The following MAP1LC3B2 variants were observed in gnomAD, a reference collection of about 807,000 sequenced individuals.
The protein encoded by MAP1LC3B2 is microtubule associated protein 1 light chain 3 beta 2.
For synonymous variants in MAP1LC3B2, 62 were observed against 57.8 expected (o/e 1.07, Z -0.33); for missense variants, 155 against 154.6 (o/e 1.00, Z -0.01).
chr12:116,573,394 T>TG (rs1869590153), intron 1 of MAP1LC3B2, among the ~76,000 whole-genome samples: 1 of 152,202 alleles, frequency 6.6e-6, no homozygotes, highest in Admixed American at 6.5e-5. Context: ...AGCAAGAACC[T>TG]GGGGGCAGAA....
At chr12:116,561,427 G>GA (rs1382691473) in intron 1 of MAP1LC3B2, among the ~76,000 whole-genome samples, 21 of 152,302 alleles carry the variant, frequency 1.4e-4, no homozygotes, top group African/African-American at 5.1e-4. Context: ...AGCCACCCCA[G>GA]GCTTCTGTTT....
chr12:116,575,167 C>T (rs1414802993), intron 1 of MAP1LC3B2, among the ~76,000 whole-genome samples: 6 of 132,900 alleles, frequency 4.5e-5, no homozygotes, highest in Non-Finnish European at 7.7e-5. Flanking sequence ...GCAACAACAG[C>T]GAAACTCAGT....
At chr12:116,562,766 T>A (rs1403010072) in intron 1 of MAP1LC3B2, among the ~76,000 whole-genome samples, 1 of 152,202 alleles carries the variant, frequency 6.6e-6, no homozygotes, top group Non-Finnish European at 1.5e-5. Context: ...ACTATATAGC[T>A]CCTCGTTTCT....
intron 1 of MAP1LC3B2, among the ~76,000 whole-genome samples, chr12:116,573,883 A>G (rs952482027): frequency 4.4e-4 from 67 of 152,248 alleles, no homozygotes; most frequent in Non-Finnish European, 7.3e-5. Flanking sequence ...GCAAGGCTGC[A>G]GCTTTCACAG....
At chr12:116,573,154 T>G (rs1187279093) in intron 1 of MAP1LC3B2, among the ~76,000 whole-genome samples, 2 of 152,174 alleles carry the variant, frequency 1.3e-5, no homozygotes, top group Admixed American at 6.5e-5. Context: ...AAACTTCTGA[T>G]CTTAGGTGAT....
Position 116,565,117 on chromosome 12 carries a change from C to T in MAP1LC3B2, c.-102+5684C>T, listed in dbSNP as rs556012938. Among the ~76,000 whole-genome samples the T allele has an allele frequency of 2.6e-5, 4 of 152,234 alleles. No individual in the cohort carries two copies. The South Asian group carries it at 8.3e-4, about 32-fold the overall frequency. ...TTAAAAAAGGAACATATTGGAAGGG[C>T]CTAGGGGAATTCACCAAAAAGAAGT... On this transcript the variant is annotated intron_variant, in intron 1 of 1. Transcript: ENST00000556529.
chr12:116,567,753 T>TA (rs1189543733), intron 1 of MAP1LC3B2, among the ~76,000 whole-genome samples: 5 of 150,426 alleles, frequency 3.3e-5, no homozygotes, highest in African/African-American at 1.2e-4. Context: ...GTCTAAAAAA[T>TA]AAAAATAAAA....
intron 1 of MAP1LC3B2, among the ~76,000 whole-genome samples, chr12:116,574,866 T>A (rs1377263994): frequency 6.6e-6 from 1 of 151,534 alleles, no homozygotes; most frequent in Non-Finnish European, 1.5e-5. Context: ...CATCTGAACA[T>A]AGTGGCTGGG....
At chr12:116,566,277 G>A (rs1394212956) in intron 1 of MAP1LC3B2, among the ~76,000 whole-genome samples, 1 of 152,218 alleles carries the variant, frequency 6.6e-6, no homozygotes, top group Non-Finnish European at 1.5e-5. Flanking sequence ...GGAGTTGGAA[G>A]CACCTTGCCT....
At chr12:116,574,999 G>T (rs1391331149) in intron 1 of MAP1LC3B2, among the ~76,000 whole-genome samples, 1 of 151,934 alleles carries the variant, frequency 6.6e-6, no homozygotes, top group African/African-American at 2.4e-5. Context: ...GACCAACGTG[G>T]AGAAACCCCG....
At chr12:116,565,904 C>A (rs1392497734) in intron 1 of MAP1LC3B2, among the ~76,000 whole-genome samples, 1 of 152,184 alleles carries the variant, frequency 6.6e-6, no homozygotes, top group Non-Finnish European at 1.5e-5. Flanking sequence ...AGCACAAAAT[C>A]TTTAAGTAGG....
chr12:116,566,392 C>T (rs1408523661), intron 1 of MAP1LC3B2, among the ~76,000 whole-genome samples: 1 of 151,988 alleles, frequency 6.6e-6, no homozygotes, highest in African/African-American at 2.4e-5. Context: ...AATGCACCAG[C>T]AGGTAAAGGA....
At chr12:116,575,223 TAA>T (rs963512021) in intron 1 of MAP1LC3B2, among the ~76,000 whole-genome samples, 1 of 151,618 alleles carries the variant, frequency 6.6e-6, no homozygotes, top group Non-Finnish European at 1.5e-5. Flanking sequence ...CAATTTTTAT[TAA>T]AAAAATAAAG....
intron 1 of MAP1LC3B2, among the ~76,000 whole-genome samples, chr12:116,567,779 T>C (rs887984063): frequency 2.6e-5 from 4 of 151,738 alleles, no homozygotes; most frequent in Non-Finnish European, 5.9e-5. Context: ...TATATATATA[T>C]GTAAACCCTC....
intron 1 of MAP1LC3B2, among the ~76,000 whole-genome samples, chr12:116,564,788 TA>T (rs1182271030): frequency 6.6e-6 from 1 of 152,176 alleles, no homozygotes; most frequent in Admixed American, 6.6e-5. Context: ...CCATATATTA[TA>T]ATCTCTCTCT....
intron 1 of MAP1LC3B2, among the ~76,000 whole-genome samples, chr12:116,559,695 C>G (rs1227932471): frequency 6.6e-6 from 1 of 152,138 alleles, no homozygotes; most frequent in Non-Finnish European, 1.5e-5. Flanking sequence ...AGGGCAGAGT[C>G]CTTTCCAGAA....
intron 1 of MAP1LC3B2, among the ~76,000 whole-genome samples, chr12:116,575,575 C>CT (rs1184589569): frequency 6.6e-6 from 1 of 152,138 alleles, no homozygotes; most frequent in African/African-American, 2.4e-5. Flanking sequence ...AGGTTTGTGT[C>CT]TTAATAGAAG....
intron 1 of MAP1LC3B2, among the ~76,000 whole-genome samples, chr12:116,571,842 A>G (rs769216836): frequency 2.0e-4 from 30 of 151,562 alleles, no homozygotes; most frequent in Non-Finnish European, 3.7e-4. Context: ...AAAAAGACCT[A>G]GGAGAGAAAC....
intron 1 of MAP1LC3B2, among the ~76,000 whole-genome samples, chr12:116,574,941 G>A (rs933756558): frequency 4.6e-5 from 7 of 151,740 alleles, no homozygotes; most frequent in Non-Finnish European, 7.4e-5. Context: ...AGTGGCTCAC[G>A]TCTGTGATCC....
Sources: allele counts gnomAD v4.1 joint callset (sites outside exome capture counted in the v4.1 genomes callset), GRCh38; gene constraint gnomAD v4.1.1; transcripts MANE v1.5; gene names NCBI Gene and HGNC (gene_info 2026-07-23, HGNC 2026-07-21).